The following BBS9 variants were observed in gnomAD, a reference collection of about 807,000 sequenced individuals.
BBS9 encodes the protein protein PTHB1.
Under a neutral mutation model 117.7 loss-of-function variants are expected in BBS9, and 89 were observed. The observed-to-expected ratio is 0.76, with a 90% CI of 0.64 to 0.90. BBS9 has a LOEUF of 0.90. BBS9 is among the 40% of genes least tolerant of loss of function. The pLI is 0.00. For synonymous variants in BBS9, 379 were observed against 370.9 expected, an observed-to-expected ratio of 1.02 and a Z score of -0.25; for missense variants, 982 against 1,042.2, an observed-to-expected ratio of 0.94 and a Z score of 0.80.
At chr7:33,528,250 C>T (rs1849973189) in intron 20 of BBS9, among the ~76,000 whole-genome samples, 1 of 152,160 alleles carries the variant, frequency 6.6e-6, no homozygotes. Flanking sequence ...TGGGCCATTT[C>T]TGAGAGTCTT....
chr7:33,550,183 C>G (rs889821330), intron 21 of BBS9, among the ~76,000 whole-genome samples: 1 of 152,112 alleles, frequency 6.6e-6, no homozygotes, highest in African/African-American at 2.4e-5. Context: ...AAGTTCTACT[C>G]CCAGTATCTG....
chr7:33,297,493 G>A (rs1343600634), intron 9 of BBS9, among the ~76,000 whole-genome samples: 2 of 152,178 alleles, frequency 1.3e-5, no homozygotes, highest in South Asian at 4.1e-4. Flanking sequence ...ACTGGTAGAT[G>A]TGTTTTGCCT....
intron 5 of BBS9, among the ~76,000 whole-genome samples, chr7:33,231,455 A>ATTTTTTTT (rs1792414373): frequency 2.0e-5 from 2 of 101,364 alleles, no homozygotes; most frequent in Non-Finnish European, 4.1e-5. Flanking sequence ...TGCCAGGACC[A>ATTTTTTTT]TATTGTTTTG....
intron 19 of BBS9, among the ~76,000 whole-genome samples, chr7:33,502,050 C>A (rs1231700923): frequency 6.6e-6 from 1 of 152,126 alleles, no homozygotes; most frequent in Non-Finnish European, 1.5e-5. Context: ...ACTGGGATTA[C>A]AGGCACGTGC....
intron 19 of BBS9, among the ~76,000 whole-genome samples, chr7:33,452,145 T>A (rs1410460011): frequency 1.3e-5 from 2 of 152,202 alleles, no homozygotes; most frequent in Non-Finnish European, 2.9e-5. Flanking sequence ...CCAGTGGAAT[T>A]TTGATATAGG....
At chr7:33,239,104 A>G (rs1047757259) in intron 5 of BBS9, among the ~76,000 whole-genome samples, 2 of 152,126 alleles carry the variant, frequency 1.3e-5, no homozygotes, top group Admixed American at 6.5e-5. Flanking sequence ...GCTGTGTGTA[A>G]TATCTGTGCC....
At chr7:33,438,190 C>A (rs1287655764) in intron 19 of BBS9, among the ~76,000 whole-genome samples, 3 of 152,020 alleles carry the variant, frequency 2.0e-5, no homozygotes, top group Non-Finnish European at 4.4e-5. Flanking sequence ...AAAAATAAAT[C>A]TCAAGTAAAT....
chr7:33,440,494 G>A (rs552244875), intron 19 of BBS9, among the ~76,000 whole-genome samples: 55 of 152,260 alleles, frequency 3.6e-4, no homozygotes, highest in African/African-American at 1.3e-3. Context: ...ATATGCAATG[G>A]TGCTTGGTGG....
intron 5 of BBS9, among the ~76,000 whole-genome samples, chr7:33,192,585 C>G (rs1204097435): frequency 1.3e-5 from 2 of 152,186 alleles, no homozygotes; most frequent in African/African-American, 2.4e-5. Context: ...TGGAATAATG[C>G]TCTTAAATGA....
chr7:33,408,175 G>A (rs1027896159), intron 19 of BBS9, among the ~76,000 whole-genome samples: 1 of 152,176 alleles, frequency 6.6e-6, no homozygotes, highest in African/African-American at 2.4e-5. Context: ...CTGCCACCTT[G>A]CAGTTTGATC....
chr7:33,151,684 G>A (rs1425169400), intron 2 of BBS9, among the ~76,000 whole-genome samples: 4 of 151,784 alleles, frequency 2.6e-5, no homozygotes. Flanking sequence ...TGGGTAGCTG[G>A]GATTACGGGC....
intron 5 of BBS9, among the ~76,000 whole-genome samples, chr7:33,227,410 G>A (rs915223511): frequency 6.6e-6 from 1 of 152,022 alleles, no homozygotes. Flanking sequence ...ATCCTCCAAA[G>A]TGCTGAGATT....
intron 3 of BBS9, 25 bp from the exon 4 acceptor site, chr7:33,155,613 T>C (rs201787176): frequency 1.1e-5 from 17 of 1,555,150 alleles, no homozygotes; most frequent in Non-Finnish European, 1.5e-5. Flanking sequence ...ATTGGAAAAC[T>C]TTAAAAACTT....
intron 9 of BBS9, among the ~76,000 whole-genome samples, chr7:33,305,836 C>G (rs1807804044): frequency 6.6e-6 from 1 of 151,396 alleles, no homozygotes; most frequent in Non-Finnish European, 1.5e-5. Flanking sequence ...TTTTGTTTAC[C>G]TTTTCAAAAA....
At chr7:33,575,553 T>A (rs1247720055) in intron 21 of BBS9, among the ~76,000 whole-genome samples, 1 of 152,140 alleles carries the variant, frequency 6.6e-6, no homozygotes, top group East Asian at 1.9e-4. Context: ...CCCTAACTCA[T>A]TTTATGAGGC....
intron 5 of BBS9, among the ~76,000 whole-genome samples, chr7:33,235,023 G>A (rs1336712673): frequency 2.0e-5 from 3 of 151,888 alleles, no homozygotes; most frequent in Non-Finnish European, 4.4e-5. Context: ...GTATATTTTA[G>A]CATTTTATTG....
chr7:33,435,783 A>G (rs1835218961), intron 19 of BBS9, among the ~76,000 whole-genome samples: 1 of 144,556 alleles, frequency 6.9e-6, no homozygotes, highest in African/African-American at 2.4e-5. Context: ...AGTTGGTTCC[A>G]GGAGGGTTTG....
chr7:33,421,731 C>G (rs1832891687), intron 19 of BBS9, among the ~76,000 whole-genome samples: 1 of 152,152 alleles, frequency 6.6e-6, no homozygotes, highest in African/African-American at 2.4e-5. Flanking sequence ...TGCACTCCTG[C>G]TCCCCATCCT....
intron 9 of BBS9, among the ~76,000 whole-genome samples, chr7:33,334,757 A>G (rs1011081889): frequency 6.6e-6 from 1 of 152,226 alleles, no homozygotes; most frequent in African/African-American, 2.4e-5. Flanking sequence ...CATTTTACAT[A>G]TAAAGAATAT....
Sources: allele counts gnomAD v4.1 joint callset (sites outside exome capture counted in the v4.1 genomes callset), GRCh38; gene constraint gnomAD v4.1.1; transcripts MANE v1.5; gene names NCBI Gene and HGNC (gene_info 2026-07-23, HGNC 2026-07-21).